GDPD4: variants seen among roughly 807,000 people sequenced by gnomAD.
GDPD4 encodes the protein glycerophosphodiester phosphodiesterase 6.
In GDPD4, 60 loss-of-function variants were observed where a neutral mutation model predicts 67.8. That is an observed-to-expected ratio of 0.88 (90% CI 0.72 to 1.10). The LOEUF is 1.10. GDPD4 is among the 50% of genes least tolerant of loss of function. The pLI is 0.00. For synonymous variants in GDPD4, 212 were observed against 210.9 expected, an observed-to-expected ratio of 1.00 and a Z score of -0.04; for missense variants, 623 against 613.9, an observed-to-expected ratio of 1.01 and a Z score of -0.16.
chr11:77,300,492 G>A (rs1330569520), intron 1 of GDPD4, among the ~76,000 whole-genome samples: 1 of 151,766 alleles, frequency 6.6e-6, no homozygotes, highest in Non-Finnish European at 1.5e-5. Context: ...AGGGAGAAAT[G>A]GACAAATGCA....
chr11:77,245,707 A>G (rs1181848076), intron 11 of GDPD4, among the ~76,000 whole-genome samples: 1 of 152,146 alleles, frequency 6.6e-6, no homozygotes, highest in African/African-American at 2.4e-5. Context: ...GGTCTCTTCT[A>G]TATCCTACAA....
intron 1 of GDPD4, among the ~76,000 whole-genome samples, chr11:77,288,610 A>G (rs1162020804): frequency 6.6e-6 from 1 of 152,202 alleles, no homozygotes; most frequent in Non-Finnish European, 1.5e-5. Context: ...TAAAAACTAA[A>G]GTGCCCCACC....
At chr11:77,252,303 A>ACC in intron 11 of GDPD4, among the ~76,000 whole-genome samples, 1 of 151,858 alleles carries the variant, frequency 6.6e-6, no homozygotes, top group East Asian at 1.9e-4. Context: ...ACCTCAGGTG[A>ACC]TCCAGCCGCC....
At chr11:77,229,288 A>C in intron 14 of GDPD4, 56 bp from the exon 15 acceptor site, 4 of 1,083,202 alleles carry the variant, frequency 3.7e-6, no homozygotes, top group Non-Finnish European at 5.6e-6. Flanking sequence ...ATTTTGGATC[A>C]TACGGTCTAA....
intron 1 of GDPD4, among the ~76,000 whole-genome samples, chr11:77,297,271 G>A (rs558201879): frequency 6.6e-6 from 1 of 151,664 alleles, no homozygotes; most frequent in East Asian, 2.0e-4. Context: ...TCTGGGCCGG[G>A]CGCAGTGGCT....
intron 10 of GDPD4, among the ~76,000 whole-genome samples, chr11:77,261,228 T>G (rs1242578058): frequency 6.6e-6 from 1 of 152,078 alleles, no homozygotes; most frequent in East Asian, 1.9e-4. Context: ...TGAAGATGCT[T>G]TGGGCCTAAC....
chr11:77,262,122 T>C (rs1959131441), intron 10 of GDPD4, among the ~76,000 whole-genome samples: 1 of 152,218 alleles, frequency 6.6e-6, no homozygotes, highest in African/African-American at 2.4e-5. Context: ...CAAACTCTTA[T>C]TATTGTCATC....
intron 1 of GDPD4, among the ~76,000 whole-genome samples, chr11:77,291,928 G>T (rs1278751075): frequency 1.3e-5 from 2 of 152,144 alleles, no homozygotes; most frequent in African/African-American, 4.8e-5. Context: ...TCCTTGGGAG[G>T]CTGAGGCAGG....
chr11:77,282,098 C>T (rs1178451794), intron 3 of GDPD4, among the ~76,000 whole-genome samples: 4 of 152,058 alleles, frequency 2.6e-5, no homozygotes, highest in African/African-American at 9.7e-5. Flanking sequence ...TGGCTTATAA[C>T]TCAGAAGTTA....
chr11:77,222,656 C>G (rs973450798), intron 16 of GDPD4, among the ~76,000 whole-genome samples: 2 of 152,132 alleles, frequency 1.3e-5, no homozygotes, highest in East Asian at 3.9e-4. Flanking sequence ...CTCTGGCTGC[C>G]CTTAACATTT....
intron 10 of GDPD4, among the ~76,000 whole-genome samples, chr11:77,264,081 G>C (rs1959166041): frequency 6.6e-6 from 1 of 152,106 alleles, no homozygotes; most frequent in Non-Finnish European, 1.5e-5. Flanking sequence ...CTCCAGAGAG[G>C]TGTATGGCTG....
intron 10 of GDPD4, among the ~76,000 whole-genome samples, chr11:77,263,577 G>A (rs1219156408): frequency 6.6e-6 from 1 of 151,876 alleles, no homozygotes; most frequent in Non-Finnish European, 1.5e-5. Context: ...AAATTTAAAG[G>A]GGTGCCAAAA....
chr11:77,262,716 G>A (rs545282493), intron 10 of GDPD4, among the ~76,000 whole-genome samples: 47 of 152,046 alleles, frequency 3.1e-4, no homozygotes, highest in African/African-American at 1.1e-3. Flanking sequence ...TGTACTCTTT[G>A]ACCAATCAAC....
chr11:77,226,172 A>G (rs1958333577), intron 16 of GDPD4, among the ~76,000 whole-genome samples: 1 of 151,992 alleles, frequency 6.6e-6, no homozygotes, highest in African/African-American at 2.4e-5. Context: ...TAGTTCTTCA[A>G]TTTTACTTTC....
At chr11:77,233,446 G>GAAAAAAAAAAAAAAAAAAAAAAAATGAA (rs34507126) in intron 13 of GDPD4, among the ~76,000 whole-genome samples, 1 of 100,404 alleles carries the variant, frequency 1.0e-5, no homozygotes, top group Non-Finnish European at 1.9e-5. Flanking sequence ...AAAACATATT[G>GAAAAAAAAAAAAAAAAAAAAAAAATGAA]AAAAAAAAAA....
chr11:77,272,920 C>G (rs1176815119), intron 5 of GDPD4, among the ~76,000 whole-genome samples: 1 of 151,936 alleles, frequency 6.6e-6, no homozygotes, highest in African/African-American at 2.4e-5. Flanking sequence ...TATGAAGAAA[C>G]ATTGCTTCAC....
At chr11:77,296,008 T>C (rs1358203936) in intron 1 of GDPD4, among the ~76,000 whole-genome samples, 1 of 152,006 alleles carries the variant, frequency 6.6e-6, no homozygotes, top group Non-Finnish European at 1.5e-5. Context: ...TCCCAGCACT[T>C]TGGGAGGCCG....
At chr11:77,258,606 A>G in intron 10 of GDPD4, 64 bp from the exon 11 acceptor site, 2 of 1,497,184 alleles carry the variant, frequency 1.3e-6, no homozygotes, top group East Asian at 4.5e-5. Context: ...CTTGGTAGAC[A>G]GGCTCCCCAG....
At chr11:77,240,907 A>C (rs1958650976) in intron 13 of GDPD4, among the ~76,000 whole-genome samples, 1 of 152,224 alleles carries the variant, frequency 6.6e-6, no homozygotes, top group African/African-American at 2.4e-5. Flanking sequence ...GGCTATTACA[A>C]AAAAGATGAG....
Sources: allele counts gnomAD v4.1 joint callset (sites outside exome capture counted in the v4.1 genomes callset), GRCh38; gene constraint gnomAD v4.1.1; transcripts MANE v1.5; gene names NCBI Gene and HGNC (gene_info 2026-07-23, HGNC 2026-07-21).